SEC16A: variants seen among roughly 807,000 people sequenced by gnomAD.
SEC16A encodes protein transport protein Sec16A.
Under a neutral mutation model 221.9 loss-of-function variants are expected in SEC16A, and 110 were observed. That is an observed-to-expected ratio of 0.50 (90% CI 0.42 to 0.58). SEC16A has a LOEUF of 0.58. SEC16A is among the 20% of genes least tolerant of loss of function. SEC16A has a pLI of 0.00. For synonymous variants in SEC16A, 1,393 were observed against 1,257.7 expected (o/e 1.11, Z -2.28); for missense variants, 3,165 against 3,097.8 (o/e 1.02, Z -0.52).
chr9:136,455,712 C>G lies in SEC16A; in HGVS notation c.5746G>C (p.Asp1916His), dbSNP rs1193337381. 1 of 1,594,298 alleles carries G rather than the reference C, an allele frequency of 6.3e-7. No individual in the cohort carries two copies. Among genetic ancestry groups the G allele is most frequent in the Non-Finnish European group, 8.5e-7 (1 of 1,171,106 alleles). ...CCTGGCTGACTGAGTCCTGGCCTGT[C>G]CAACTGCTCCATCTCGGAACTCGGA... ...GTPSSEMEQLDRPGLSQPGAL... is the reference protein window; with the variant it reads ...GTPSSEMEQLHRPGLSQPGAL... Residue 1916 changes from aspartate (D) to histidine (H), a missense_variant, in exon 20 of 32, where the codon GAC becomes CAC. Asp to His is a moderately conservative substitution (Grantham distance 81). Around this residue, in one of 3 missense-constraint regions of SEC16A, gnomAD observed 1,088 missense variants for 1,089.6 expected, o/e 1.00. Coordinates refer to ENST00000684901, the MANE Select transcript of SEC16A (RefSeq NM_014866.2).
intron 18 of SEC16A, 28 bp from the exon 19 acceptor site, chr9:136,456,194 CT>C: frequency 6.5e-7 from 1 of 1,547,370 alleles, no homozygotes; most frequent in Non-Finnish European, 8.9e-7. Flanking sequence ...TCAAAGGCCC[CT>C]GTCACCACCG....
chr9:136,475,429 A>G lies in SEC16A; in HGVS notation c.2187T>C (p.Ser729=), dbSNP rs1226428692. Residue 729 remains serine, a synonymous_variant, in exon 3 of 32, where the codon AGT becomes AGC. Coordinates refer to ENST00000684901, the MANE Select transcript of SEC16A (RefSeq NM_014866.2). The surrounding 1 kb of genome is among the most constrained non-coding windows in gnomAD (Gnocchi z 5.0). ...CGTTGCCTCCAAAATCTGGCAGCTC[A>G]CTTTGCGCCCACAGAGTCGTTGCTG... is the stretch of plus-strand genomic sequence containing the variant. The part of the protein sequence containing the change: ...ESPATTLWAQ[S]ELPDFGGNVL... The G allele has an allele frequency of 6.2e-7, 1 of 1,610,710 alleles. No homozygotes were observed. Among genetic ancestry groups the G allele is most frequent in the African/African-American group, 1.3e-5 (1 of 74,950 alleles).
chr9:136,469,058 G>A (rs1023131662), intron 4 of SEC16A, among the ~76,000 whole-genome samples: 1 of 152,006 alleles, frequency 6.6e-6, no homozygotes, highest in Non-Finnish European at 1.5e-5. Context: ...CCATGTTGCC[G>A]AGGCTGGTCT....
Position 136,476,337 on chromosome 9 carries a change from G to A in SEC16A, c.1279C>T (p.Leu427Phe). 6.2e-7 allele frequency: 1 copy of A among 1,612,774 alleles called. No individual in the cohort carries two copies. Among genetic ancestry groups the A allele is most frequent in the Non-Finnish European group, 8.5e-7 (1 of 1,179,886 alleles). ...GCCTCATTGCTGGGGCCTGGGAGAAGGGCCTGGCAGAGGCTGCCTGCCCCC... is the reference window on the plus strand; with the variant it reads ...GCCTCATTGCTGGGGCCTGGGAGAAAGGCCTGGCAGAGGCTGCCTGCCCCC... ...HVGAGSLCQALLPGPSNEAAG... is the reference protein window; with the variant it reads ...HVGAGSLCQAFLPGPSNEAAG... The change falls in exon 3 of 32, where the codon CTT becomes TTT. Residue 427 changes from leucine to phenylalanine, a missense_variant. This residue lies in a region of SEC16A where 2,030 missense variants were observed against 1,923.1 expected (regional missense o/e 1.06). Transcript: ENST00000684901.
At chr9:136,470,204 C>T (rs1414878341) in intron 4 of SEC16A, among the ~76,000 whole-genome samples, 1 of 152,244 alleles carries the variant, frequency 6.6e-6, no homozygotes, top group Non-Finnish European at 1.5e-5. Flanking sequence ...CAAGCCAGGG[C>T]TGAAGGCAGC....
rs560120664 is a variant in SEC16A at position 136,476,580 on chromosome 9, G to A, written c.1036C>T (p.Arg346Cys). Reference sequence around the variant, plus strand: ...CCAGCCCCCAGTGGGTGGTGCGTACGGTTTTCTGGGCTATCTCCCCGGGCG... The same window carrying A: ...CCAGCCCCCAGTGGGTGGTGCGTACAGTTTTCTGGGCTATCTCCCCGGGCG... ...PLARGDSPEN[R>C]THHPLGAGAG... The change falls in exon 3 of 32, where the codon CGT becomes TGT. Residue 346 changes from arginine to cysteine, a missense_variant. Transcript: ENST00000684901. The A allele has an allele frequency of 2.1e-5, 33 of 1,606,584 alleles. 1 individual carries two copies. Among genetic ancestry groups the A allele is most frequent in the East Asian group, 1.1e-4 (5 of 44,770 alleles).
chr9:136,455,676 T>C lies in SEC16A; in HGVS notation c.5782A>G (p.Ile1928Val). 1 of 1,593,402 alleles carries C rather than the reference T, an allele frequency of 6.3e-7. No individual in the cohort carries two copies. The highest frequency in any genetic ancestry group is 2.3e-5 in the East Asian group (1 of 43,750). Residue 1928 changes from isoleucine (I) to valine (V), a missense_variant, in exon 20 of 32, where the codon ATC (isoleucine) becomes GTC (valine). Ile to Val is a conservative substitution (Grantham distance 29, BLOSUM62 3). Coordinates refer to ENST00000684901, the MANE Select transcript of SEC16A (RefSeq NM_014866.2). ...PGLSQPGALG[I>V]ANPLLAVPAP... is the part of the protein sequence containing the mutation. Reference sequence around the variant, plus strand: ...GGCACCGCCAGCAGAGGGTTGGCGATCCCCAGGGCTCCTGGCTGACTGAGT... The same window carrying C: ...GGCACCGCCAGCAGAGGGTTGGCGACCCCCAGGGCTCCTGGCTGACTGAGT...
rs1836178924 is a variant in SEC16A at position 136,441,486 on chromosome 9, A to G, written c.*269T>C. On this transcript the variant is annotated 3_prime_UTR_variant, in exon 32 of 32. Transcript: ENST00000684901. ...AATACTATATCCTTAAATCATCCTAAATGACTAAGAAAGTCACATCATTCT... is the reference window on the plus strand; with the variant it reads ...AATACTATATCCTTAAATCATCCTAGATGACTAAGAAAGTCACATCATTCT... 3.8e-6 allele frequency: 2 copies of G among 527,646 alleles called. No homozygotes were observed. Among genetic ancestry groups the G allele is most frequent in the Non-Finnish European group, 6.9e-6 (2 of 290,218 alleles). The allele number at this position is 527,646 out of a possible 1,614,324, so 32.7% of individuals were successfully genotyped here.
chr9:136,462,926 G>C lies in SEC16A; in HGVS notation c.4854C>G (p.Thr1618=), dbSNP rs370099266. The C allele has an allele frequency of 1.9e-6, 3 of 1,603,646 alleles. No individual in the cohort carries two copies. The highest frequency in any genetic ancestry group is 3.3e-5 in the Admixed American group (2 of 60,020). Residue 1618 remains threonine (T), a synonymous_variant, in exon 12 of 32, where the codon ACC becomes ACG. Coordinates refer to ENST00000684901, the MANE Select transcript of SEC16A (RefSeq NM_014866.2). ...ACAGCAACAGCTCCCTGAACCTCTC[G>C]GTCTCTCTCTCGAGCGAGCTGGCGG... is the stretch of plus-strand genomic sequence containing the variant. ...AAAASSLERE[T]ERFRELLLYG...
chr9:136,469,632 C>G (rs1413838897), intron 4 of SEC16A, among the ~76,000 whole-genome samples: 1 of 152,230 alleles, frequency 6.6e-6, no homozygotes, highest in Non-Finnish European at 1.5e-5. Flanking sequence ...CACCACTGCA[C>G]TCCAGCCTGG....
intron 1 of SEC16A, among the ~76,000 whole-genome samples, chr9:136,480,567 G>A (rs1217226553): frequency 6.6e-6 from 1 of 152,128 alleles, no homozygotes; most frequent in Admixed American, 6.5e-5. Context: ...TACTCACAGT[G>A]GATTCTGGGA....
Position 136,454,168 on chromosome 9 carries a change from C to G in SEC16A, c.6017G>C (p.Gly2006Ala), listed in dbSNP as rs1306808497. 1 of 1,557,436 alleles carries G rather than the reference C, an allele frequency of 6.4e-7. No homozygotes were observed. Residue 2006 changes from glycine (G) to alanine (A), a missense_variant, in exon 21 of 32, where the codon GGT becomes GCT. This residue lies in a region of SEC16A where 1,088 missense variants were observed against 1,089.6 expected (regional missense o/e 1.00). Transcript: ENST00000684901. ...TCTCCTTTCCTGCAGAGGTGGCACA[C>G]CAGGTGGGAGGCCAGGCCCGGAGGG... ...LEPSGPGLPPGVPPLQERRHL... is the reference protein window; with the variant it reads ...LEPSGPGLPPAVPPLQERRHL...
At chr9:136,471,845 A>G in intron 4 of SEC16A, 130 bp downstream of exon 4, 4 of 1,100,428 alleles carry the variant, frequency 3.6e-6, no homozygotes, top group South Asian at 1.4e-5. Context: ...ATGTCAACAT[A>G]TGTTAGATAA....
chr9:136,461,699 G>A (rs1234879180), intron 12 of SEC16A, among the ~76,000 whole-genome samples: 1 of 152,164 alleles, frequency 6.6e-6, no homozygotes, highest in Admixed American at 6.5e-5. Flanking sequence ...AAATCATCCA[G>A]GGCATAATTT....
Position 136,466,505 on chromosome 9 carries a change from G to A in SEC16A, c.3930-43C>T, listed in dbSNP as rs1296727783. On this transcript the variant is annotated intron_variant, in intron 6 of 31. Transcript: ENST00000684901. This position sits in a 1 kb window ranked among gnomAD's most constrained non-coding sequence, Gnocchi z 5.5. ...ACAGAGGCAGAGGAATGGGAGTGCC[G>A]GAGGCCCCGTCCCCATGTGCCACGC... 15 of 1,530,782 alleles carry A rather than the reference G, an allele frequency of 9.8e-6. No individual in the cohort carries two copies. Among genetic ancestry groups the A allele is most frequent in the Middle Eastern group, 1.7e-4 (1 of 5,820 alleles). 94.8% of individuals were successfully genotyped at this position (1,530,782 alleles called of 1,614,324 possible). A position where few individuals can be genotyped will look rare whatever the true frequency, so the allele number is the denominator to read the frequency against.
chr9:136,453,989 G>C, intron 21 of SEC16A, 120 bp downstream of exon 21: 1 of 968,508 alleles, frequency 1.0e-6, no homozygotes, highest in Admixed American at 2.0e-5. Flanking sequence ...TCTGGTCTAC[G>C]TTAAGACAAG....
chr9:136,454,463 G>T, intron 20 of SEC16A, 136 bp from the exon 21 acceptor site: 1 of 862,280 alleles, frequency 1.2e-6, no homozygotes, highest in Non-Finnish European at 1.9e-6. Context: ...GTCCAACAGA[G>T]CAGAAAGCCT....
At chr9:136,483,791 A>C (rs1410867942), upstream of SEC16A, 14 of 985,326 alleles carry the variant, frequency 1.4e-5, no homozygotes, top group Non-Finnish European at 1.7e-5. Context: ...GCTGGAGGGC[A>C]GGCGGCGGCG....
At chr9:136,472,295 G>A (rs992705266) in intron 3 of SEC16A, among the ~76,000 whole-genome samples, 184 bp from the exon 4 acceptor site, 7 of 152,226 alleles carry the variant, frequency 4.6e-5, no homozygotes, top group East Asian at 1.9e-4. Context: ...AGGACTGAGC[G>A]TGGCCCTTCC....
Sources: gnomAD v4.1 joint callset for allele counts (sites outside exome capture counted in the v4.1 genomes callset) on GRCh38, gnomAD v4.1.1 for gene constraint, gnomAD v4.1.1 regional missense constraint, Gnocchi (gnomAD v3.1) non-coding constraint, MANE v1.5 for transcripts, NCBI Gene and HGNC (gene_info 2026-07-23, HGNC 2026-07-21) for gene names.